The following ASPRV1 variants were observed in gnomAD, a reference collection of about 807,000 sequenced individuals.
ASPRV1 encodes aspartic peptidase retroviral like 1.
Under a neutral mutation model 11.0 loss-of-function variants are expected in ASPRV1, and 7 were observed. The observed-to-expected ratio is 0.64, with a 90% CI of 0.36 to 1.20. The LOEUF is 1.20. Ranked by LOEUF, ASPRV1 falls within the 50% of genes most tolerant of loss-of-function variation. ASPRV1 has a pLI of 0.02. For missense variants in ASPRV1, 299 were observed against 320.0 expected (o/e 0.93, Z 0.50); for synonymous variants, 136 against 138.4 (o/e 0.98, Z 0.12).
At chr2:70,014,703 G>A in the ASPRV1 span, 3 of 150,940 alleles carry the variant, frequency 2.0e-5, no homozygotes, top group Non-Finnish European at 2.9e-5. Context: ...GGGAGGCTGA[G>A]GTGGGAGCAT....
the ASPRV1 span, among the ~76,000 whole-genome samples, chr2:69,987,972 C>T: frequency 6.6e-6 from 1 of 152,186 alleles, no homozygotes; most frequent in African/African-American, 2.4e-5. Context: ...GCCCTAGTCT[C>T]CGGGGGTGCA....
At chr2:70,019,333 C>G in the ASPRV1 span, 2 of 152,240 alleles carry the variant, frequency 1.3e-5, no homozygotes, top group African/African-American at 4.8e-5. Context: ...TTAGTACAGC[C>G]ATTAAGGAAA....
At chr2:69,992,910 G>A in the ASPRV1 span, among the ~76,000 whole-genome samples, 1 of 152,216 alleles carries the variant, frequency 6.6e-6, no homozygotes, top group Non-Finnish European at 1.5e-5. Flanking sequence ...TGAGGTGACA[G>A]AGCCCTGGGC....
the ASPRV1 span, among the ~76,000 whole-genome samples, chr2:69,989,866 CAT>C: frequency 6.6e-6 from 1 of 152,234 alleles, no homozygotes; most frequent in African/African-American, 2.4e-5. Flanking sequence ...TCCCCTGGCA[CAT>C]AGACAGGGTT....
At chr2:70,087,074 T>G in the ASPRV1 span, 66 of 120,644 alleles carry the variant, frequency 5.5e-4, no homozygotes, top group African/African-American at 2.1e-3. Context: ...TCTGGTCACC[T>G]CACGCGCATG....
chr2:69,935,040 C>T, the ASPRV1 span, among the ~76,000 whole-genome samples: 2 of 152,158 alleles, frequency 1.3e-5, no homozygotes, highest in East Asian at 1.9e-4. Context: ...TAAGTTGAAC[C>T]ATCATGAGTC....
chr2:70,084,754 C>T, the ASPRV1 span, among the ~76,000 whole-genome samples: 1,956 of 152,146 alleles, frequency 0.013, 48 homozygotes, highest in African/African-American at 0.045. Context: ...AAATTTGTTT[C>T]TTAGTGGTTT....
chr2:70,026,069 T>A, the ASPRV1 span, among the ~76,000 whole-genome samples: 1 of 152,178 alleles, frequency 6.6e-6, no homozygotes. Flanking sequence ...ATGCCTATAA[T>A]CCCAGCACTT....
chr2:69,987,058 AAGG>A, the ASPRV1 span, among the ~76,000 whole-genome samples: 6 of 152,144 alleles, frequency 3.9e-5, no homozygotes, highest in Non-Finnish European at 5.9e-5. Flanking sequence ...TTGGGTTAGG[AAGG>A]AGGAGTAGGA....
chr2:70,053,053 CTAAGT>C, the ASPRV1 span, among the ~76,000 whole-genome samples: 1 of 152,162 alleles, frequency 6.6e-6, no homozygotes, highest in Non-Finnish European at 1.5e-5. Context: ...GCTATCCTGG[CTAAGT>C]TAATTCATGC....
chr2:70,010,543 A>T, the ASPRV1 span, among the ~76,000 whole-genome samples: 1 of 152,188 alleles, frequency 6.6e-6, no homozygotes, highest in Non-Finnish European at 1.5e-5. Context: ...GAGGCCACAA[A>T]GGTTGTGTTT....
chr2:69,960,436 C>A lies in ASPRV1; in HGVS notation c.*221G>T. 1.9e-6 allele frequency: 1 copy of A among 539,232 alleles called. No individual in the cohort carries two copies. Among genetic ancestry groups the A allele is most frequent in the Non-Finnish European group, 3.3e-6 (1 of 304,176 alleles). The allele number at this position is 539,232 out of a possible 1,614,324, so 33.4% of individuals were successfully genotyped here. A position where few individuals can be genotyped will look rare whatever the true frequency, so the allele number is the denominator to read the frequency against. On this transcript the variant is annotated 3_prime_UTR_variant, in exon 1 of 1. Transcript: ENST00000320256. ...GCTTGATGACCATGGGGACCCTGTC[C>A]CTCTAAGCCAGCCTGCTCTCCCTCA...
chr2:70,049,105 G>A, the ASPRV1 span: 2 of 149,834 alleles, frequency 1.3e-5, no homozygotes, highest in African/African-American at 4.9e-5. Context: ...AGTTACATAT[G>A]TATACATGTG....
At chr2:70,061,363 C>G in the ASPRV1 span, among the ~76,000 whole-genome samples, 4 of 150,440 alleles carry the variant, frequency 2.7e-5, no homozygotes, top group Non-Finnish European at 5.9e-5. Flanking sequence ...CCACTGCACT[C>G]CAGCCTGGGT....
At chr2:69,996,661 G>A in the ASPRV1 span, 3 of 454,372 alleles carry the variant, frequency 6.6e-6, no homozygotes, top group Non-Finnish European at 1.3e-5. Context: ...TCTGAGAGAG[G>A]CACTGGAATG....
chr2:69,992,219 C>T, the ASPRV1 span, among the ~76,000 whole-genome samples: 1 of 152,112 alleles, frequency 6.6e-6, no homozygotes, highest in African/African-American at 2.4e-5. Context: ...GGGAATTGTG[C>T]ACTTTTTTGT....
chr2:70,068,853 G>A, the ASPRV1 span, among the ~76,000 whole-genome samples: 9 of 148,702 alleles, frequency 6.1e-5, no homozygotes, highest in Non-Finnish European at 1.0e-4. Flanking sequence ...GTTGAGGCAG[G>A]AGAATCACTT....
the ASPRV1 span, among the ~76,000 whole-genome samples, chr2:70,080,189 C>A: frequency 1.3e-5 from 2 of 151,204 alleles, no homozygotes; most frequent in Non-Finnish European, 2.9e-5. Flanking sequence ...TGGTAAGATT[C>A]AGAAGTTAGA....
the ASPRV1 span, chr2:70,073,230 A>C: frequency 6.6e-6 from 1 of 152,212 alleles, no homozygotes. Flanking sequence ...GGCAGGCTGG[A>C]GACAAGGAGA....
Sources: gnomAD v4.1 joint callset for allele counts (sites outside exome capture counted in the v4.1 genomes callset) on GRCh38, gnomAD v4.1.1 for gene constraint, MANE v1.5 for transcripts, NCBI Gene and HGNC (gene_info 2026-07-23, HGNC 2026-07-21) for gene names.